Variants in GLI2 observed in about 807,000 individuals in gnomAD.
GLI2 encodes the protein GLI family zinc finger 2, also known as transcription activator GLI2.
A neutral mutation model predicts 78.9 loss-of-function variants in GLI2; 22 were observed. The observed-to-expected ratio is 0.28, with a 90% CI of 0.20 to 0.40. The LOEUF is 0.40. Ranked by LOEUF, GLI2 falls within the 10% of genes least tolerant of loss-of-function variation. The probability of loss-of-function intolerance (pLI) is 1.00; values close to 1 mark genes in which losing one functional copy is unlikely to be tolerated. For missense variants in GLI2, 2,097 were observed against 2,213.2 expected (o/e 0.95, Z 1.05); for synonymous variants, 974 against 963.7 (o/e 1.01, Z -0.20).
At chr2:120,932,125 T>C (rs929574255) in intron 3 of GLI2, among the ~76,000 whole-genome samples, 3 of 152,176 alleles carry the variant, frequency 2.0e-5, no homozygotes, top group Non-Finnish European at 4.4e-5. Context: ...ATGAATGTGG[T>C]TGGAGCCCGG....
chr2:120,775,095 C>T (rs113918903), intron 1 of GLI2, among the ~76,000 whole-genome samples: 30 of 152,272 alleles, frequency 2.0e-4, no homozygotes, highest in African/African-American at 7.0e-4. Flanking sequence ...GTGGGTATGC[C>T]GGGACCTTGT....
intron 2 of GLI2, among the ~76,000 whole-genome samples, chr2:120,906,905 C>T (rs992786130): frequency 6.6e-6 from 1 of 152,150 alleles, no homozygotes; most frequent in Non-Finnish European, 1.5e-5. Flanking sequence ...GCCGCCTCTG[C>T]CCTTCCCGCC....
At position 120,990,037 on chromosome 2, in the gene GLI2, C is replaced by A. The variant is rs1480624580; in HGVS notation, c.4072C>A (p.Leu1358Ile). The change falls in exon 14 of 14, where the codon CTC (leucine) becomes ATC (isoleucine). Residue 1358 changes from leucine to isoleucine, a missense_variant. Coordinates refer to ENST00000361492, the MANE Select transcript of GLI2 (RefSeq NM_001374353.1). ...TGGCCTAGTGCAGCCCCGGCCTCCCCTCGAGCCCAGCCCCACTGGCCGCCA... is the reference window on the plus strand; with the variant it reads ...TGGCCTAGTGCAGCCCCGGCCTCCCATCGAGCCCAGCCCCACTGGCCGCCA... Reference protein sequence around the residue: ...GFGLVQPRPPLEPSPTGRHRG... With the variant: ...GFGLVQPRPPIEPSPTGRHRG... 2 of 1,604,566 alleles carry A rather than the reference C, an allele frequency of 1.2e-6. No homozygotes were observed. The highest frequency in any genetic ancestry group is 1.7e-5 in the Admixed American group (1 of 59,532).
rs372901739 is a variant in GLI2 at position 120,978,050 on chromosome 2, G to A, written c.1318-384G>A. On this transcript the variant is annotated intron_variant, in intron 9 of 13. Transcript: ENST00000361492. Reference sequence around the variant, plus strand: ...TGCCTACTGTTTGCAGCCTGGGAGCGTCATCACACCAGAGCCCAGGCTGCG... The same window carrying A: ...TGCCTACTGTTTGCAGCCTGGGAGCATCATCACACCAGAGCCCAGGCTGCG... Among the ~76,000 whole-genome samples the A allele has an allele frequency of 3.1e-4, 47 of 152,292 alleles. 1 individual carries two copies. The East Asian group carries it at 8.1e-3, about 26-fold the overall frequency.
chr2:120,828,670 A>G (rs985191236), intron 2 of GLI2, among the ~76,000 whole-genome samples: 2 of 152,180 alleles, frequency 1.3e-5, no homozygotes, highest in Admixed American at 6.5e-5. Context: ...TTAAATTCGT[A>G]TTAATTACAG....
chr2:120,971,304 G>A (rs76461356), intron 7 of GLI2, among the ~76,000 whole-genome samples: 7,237 of 152,328 alleles, frequency 0.048, 587 homozygotes, highest in African/African-American at 0.16. Context: ...CACTGACAAC[G>A]ACAATGCCAG....
chr2:120,920,454 G>A (rs994978569), intron 2 of GLI2, among the ~76,000 whole-genome samples: 6 of 152,208 alleles, frequency 3.9e-5, no homozygotes, highest in Admixed American at 2.0e-4. Flanking sequence ...TTCTAATGGG[G>A]CATTAACTTG....
At chr2:120,807,360 A>G (rs953198082) in intron 2 of GLI2, among the ~76,000 whole-genome samples, 2 of 151,516 alleles carry the variant, frequency 1.3e-5, no homozygotes, top group African/African-American at 4.9e-5. Context: ...CAATAATGAG[A>G]CTCCAGTGCT....
At chr2:120,743,070 C>A (rs1682596985) in intron 1 of GLI2, among the ~76,000 whole-genome samples, 1 of 152,126 alleles carries the variant, frequency 6.6e-6, no homozygotes, top group Non-Finnish European at 1.5e-5. Flanking sequence ...ACCAAGTGGC[C>A]TAAGGAGCAG....
chr2:120,788,855 CT>C (rs1240349001), intron 1 of GLI2, among the ~76,000 whole-genome samples: 1 of 152,066 alleles, frequency 6.6e-6, no homozygotes, highest in Non-Finnish European at 1.5e-5. Context: ...GCTGCATCCC[CT>C]GAAAGAGGTG....
In GLI2 at chr2:120,974,829, AC is replaced by A; in HGVS notation, c.1183-145del. On this transcript the variant is annotated intron_variant, in intron 8 of 13. Transcript: ENST00000361492. The stretch of plus-strand genomic sequence containing the variant: ...CTGCATGCATGTGTTGTGTGTGTGC[AC>A]ACACACCTGTAACACACACACTTGC... The A allele has an allele frequency of 2.8e-6, 3 of 1,068,476 alleles. No homozygotes were observed. In the Admixed American group the frequency reaches 5.1e-5, roughly 18 times the overall value. The allele number at this position is 1,068,476 out of a possible 1,614,324, so 66.2% of individuals were successfully genotyped here. A position where few individuals can be genotyped will look rare whatever the true frequency, so the allele number is the denominator to read the frequency against.
rs1682985936 is a variant in GLI2, at chr2:120,986,521, AAGG to A, written c.2152_2154del (p.Glu718del). ...CATGCACCGGTTCGAGCAGCTCAAG[AAGG>A]AGAAGCTCAAGTCACTCAAGGATTC... is the stretch of plus-strand genomic sequence containing the variant. On this transcript the variant is annotated inframe_deletion, in exon 13 of 14. Transcript: ENST00000361492. The A allele has an allele frequency of 2.5e-6, 4 of 1,614,008 alleles. No homozygotes were observed. The highest frequency in any genetic ancestry group is 2.7e-5 in the African/African-American group (2 of 74,924).
intron 2 of GLI2, among the ~76,000 whole-genome samples, chr2:120,877,621 A>T (rs2104698877): frequency 6.6e-6 from 1 of 152,344 alleles, no homozygotes; most frequent in African/African-American, 2.4e-5. Context: ...CAATGGAATT[A>T]TGCAGTGTGT....
chr2:120,835,163 A>G (rs1686549723), intron 2 of GLI2, among the ~76,000 whole-genome samples: 1 of 152,190 alleles, frequency 6.6e-6, no homozygotes, highest in African/African-American at 2.4e-5. Context: ...GGTGGAGCCA[A>G]TGGTCTTTTA....
chr2:120,819,299 G>A (rs989991583), intron 2 of GLI2, among the ~76,000 whole-genome samples: 2 of 145,240 alleles, frequency 1.4e-5, no homozygotes, highest in African/African-American at 5.2e-5. Context: ...GAGTGCAATG[G>A]TGTGATCTTG....
chr2:120,877,738 T>C lies in GLI2; in HGVS notation c.149-49623T>C, dbSNP rs183517688. On this transcript the variant is annotated intron_variant, in intron 2 of 13. Coordinates refer to ENST00000361492, the MANE Select transcript of GLI2 (RefSeq NM_001374353.1). ...TGTTGAATAATATTTTTTCCTGTTA[T>C]TGTGGATATAGCACAATATACCAAC... Among the ~76,000 whole-genome samples the C allele has an allele frequency of 9.2e-4, 140 of 152,118 alleles. 1 individual carries two copies. The highest frequency in any genetic ancestry group is 3.1e-4 in the Non-Finnish European group (21 of 68,046).
chr2:120,982,823 A>C lies in GLI2; in HGVS notation c.1575A>C (p.Lys525Asn). The C allele has an allele frequency of 6.2e-7, 1 of 1,614,172 alleles. No homozygotes were observed. Among genetic ancestry groups the C allele is most frequent in the Non-Finnish European group, 8.5e-7 (1 of 1,180,014 alleles). The change falls in exon 11 of 14, where the codon AAA becomes AAC. Residue 525 changes from lysine to asparagine, a missense_variant. By Grantham distance (94) the Lys-to-Asn change is moderately conservative. Transcript: ENST00000361492. ...PYVCEHEGCN[K>N]AFSNASDRAK... ...TGTGTGAGCACGAGGGCTGCAACAA[A>C]GCCTTCTCCAACGCCTCGGACCGCG...
At chr2:120,978,958 T>C (rs964904646) in intron 10 of GLI2, among the ~76,000 whole-genome samples, 3 of 152,210 alleles carry the variant, frequency 2.0e-5, no homozygotes, top group Non-Finnish European at 4.4e-5. Flanking sequence ...CATTGGTGAT[T>C]CAGAGCTTGA....
intron 6 of GLI2, among the ~76,000 whole-genome samples, chr2:120,969,351 C>T (rs2677509): frequency 0.79 from 120,041 of 152,136 alleles, 52,074 homozygotes; most frequent in East Asian, 1. Flanking sequence ...TCACTGACAC[C>T]AGCCACCCTT....
Sources: gnomAD v4.1 joint callset for allele counts (sites outside exome capture counted in the v4.1 genomes callset) on GRCh38, gnomAD v4.1.1 for gene constraint, MANE v1.5 for transcripts, NCBI Gene and HGNC (gene_info 2026-07-23, HGNC 2026-07-21) for gene names.